Variants in MYO16 observed in about 807,000 individuals in gnomAD.
MYO16 encodes the protein myosin XVI.
Under a neutral mutation model 205.3 loss-of-function variants are expected in MYO16, and 94 were observed. That is an observed-to-expected ratio of 0.46 (90% CI 0.39 to 0.54). The LOEUF (loss-of-function observed/expected upper bound fraction) is 0.54, where lower values mean the gene tolerates loss of function less well. Ranked by LOEUF, MYO16 falls within the 20% of genes least tolerant of loss-of-function variation. The pLI is 0.00. For synonymous variants in MYO16, 988 were observed against 954.0 expected (o/e 1.04, Z -0.66); for missense variants, 2,315 against 2,387.5 (o/e 0.97, Z 0.63).
chr13:108,824,358 T>C (rs548804531), intron 9 of MYO16, among the ~76,000 whole-genome samples: 1 of 152,164 alleles, frequency 6.6e-6, no homozygotes, highest in Non-Finnish European at 1.5e-5. Context: ...AGCATAGAAA[T>C]ACCCATGGTG....
intron 31 of MYO16, among the ~76,000 whole-genome samples, chr13:109,133,680 C>T (rs893782934): frequency 6.6e-6 from 1 of 152,090 alleles, no homozygotes; most frequent in Non-Finnish European, 1.5e-5. Context: ...GACTGTCTTC[C>T]CTACTTCATC....
At chr13:108,924,941 G>A (rs1881922700) in intron 16 of MYO16, among the ~76,000 whole-genome samples, 1 of 152,124 alleles carries the variant, frequency 6.6e-6, no homozygotes, top group Non-Finnish European at 1.5e-5. Context: ...ATATATTTTG[G>A]TGGCTAAAAC....
At chr13:108,759,710 A>T in intron 4 of MYO16, among the ~76,000 whole-genome samples, 1 of 151,292 alleles carries the variant, frequency 6.6e-6, no homozygotes, top group South Asian at 2.1e-4. Context: ...AGTCCCAGCT[A>T]CTCCGGAGGC....
At chr13:108,685,195 G>C (rs1267371330) in intron 2 of MYO16, among the ~76,000 whole-genome samples, 2 of 151,952 alleles carry the variant, frequency 1.3e-5, no homozygotes, top group African/African-American at 4.8e-5. Flanking sequence ...GCTAATTTTT[G>C]TATTTTTAGT....
At chr13:108,566,051 G>C in the MYO16 span, among the ~76,000 whole-genome samples, 4 of 151,744 alleles carry the variant, frequency 2.6e-5, no homozygotes, top group Non-Finnish European at 5.9e-5. Context: ...TTCATAGAAT[G>C]AGTTTGAAAG....
At chr13:108,908,971 T>A (rs1431300816) in intron 15 of MYO16, among the ~76,000 whole-genome samples, 3 of 137,718 alleles carry the variant, frequency 2.2e-5, no homozygotes, top group Non-Finnish European at 4.6e-5. Flanking sequence ...AGACTGTGTC[T>A]CAAAAAAAAT....
chr13:108,605,596 C>G (rs1268288826), intron 1 of MYO16, among the ~76,000 whole-genome samples: 1 of 152,146 alleles, frequency 6.6e-6, no homozygotes, highest in African/African-American at 2.4e-5. Context: ...TTCTCACATG[C>G]CATCATGTGA....
At chr13:108,977,896 C>T (rs537586208) in intron 20 of MYO16, among the ~76,000 whole-genome samples, 3 of 152,082 alleles carry the variant, frequency 2.0e-5, no homozygotes, top group South Asian at 2.1e-4. Context: ...ATGTTGACTA[C>T]AAATTAATTT....
chr13:108,752,796 C>T (rs373015888), intron 4 of MYO16, among the ~76,000 whole-genome samples: 16 of 143,216 alleles, frequency 1.1e-4, no homozygotes, highest in South Asian at 4.6e-4. Context: ...CACCTGCCAC[C>T]GTGCCCAGCT....
chr13:109,073,007 G>T (rs1369730723), intron 27 of MYO16, among the ~76,000 whole-genome samples: 1 of 151,926 alleles, frequency 6.6e-6, no homozygotes, highest in African/African-American at 2.4e-5. Context: ...GACTACATTA[G>T]GATATTCAAA....
At chr13:108,761,668 C>T (rs1299726423) in intron 4 of MYO16, among the ~76,000 whole-genome samples, 4 of 152,190 alleles carry the variant, frequency 2.6e-5, no homozygotes, top group Admixed American at 6.5e-5. Context: ...TTGACCTGAA[C>T]ATTATTACCC....
intron 34 of MYO16, among the ~76,000 whole-genome samples, chr13:109,193,163 A>C (rs1187695204): frequency 6.6e-6 from 1 of 152,148 alleles, no homozygotes; most frequent in African/African-American, 2.4e-5. Flanking sequence ...CAGTGTATAG[A>C]GAATAGTGTA....
chr13:109,140,539 A>G lies in MYO16; in HGVS notation c.4327A>G (p.Arg1443Gly). 1 of 1,548,724 alleles carries G rather than the reference A, an allele frequency of 6.5e-7. No homozygotes were observed. Residue 1443 changes from arginine to glycine, a missense_variant, in exon 32 of 35, where the codon AGG becomes GGG. Physicochemically the swap from Arg to Gly is moderately radical, Grantham distance 125. Transcript: ENST00000457511. The surrounding 1 kb of genome is among the most constrained non-coding windows in gnomAD (Gnocchi z 8.0). ...VYIEMLGHAA[R>G]PDSPDPGESV... ...CATCGAGATGCTGGGGCACGCGGCCAGGCCCGATAGCCCGGACCCCGGGGA... is the reference window on the plus strand; with the variant it reads ...CATCGAGATGCTGGGGCACGCGGCCGGGCCCGATAGCCCGGACCCCGGGGA...
In MYO16 at chr13:109,058,796, G is replaced by C. The variant is rs143352747; in HGVS notation, c.3335+3201G>C. 2.4e-3 allele frequency among the ~76,000 whole-genome samples: 361 copies of C among 152,184 alleles called. 2 individuals are homozygous for C. The Middle Eastern group carries it at 0.034, about 14-fold the overall frequency. On this transcript the variant is annotated intron_variant, in intron 27 of 34. Coordinates refer to ENST00000457511, the MANE Select transcript of MYO16 (RefSeq NM_001198950.3). The stretch of plus-strand genomic sequence containing the variant: ...GAAAAATGTCTCTGTAGCATGCGAA[G>C]CTGCAACAGCATTTTACCCAGAGTA...
At chr13:108,751,064 C>CACACAG in intron 4 of MYO16, among the ~76,000 whole-genome samples, 1 of 103,928 alleles carries the variant, frequency 9.6e-6, no homozygotes, top group Non-Finnish European at 2.2e-5. Flanking sequence ...TGTGTGTTCA[C>CACACAG]ACACACACAC....
intron 16 of MYO16, among the ~76,000 whole-genome samples, chr13:108,921,956 A>G (rs1881763470): frequency 1.3e-5 from 2 of 152,172 alleles, no homozygotes; most frequent in African/African-American, 4.8e-5. Flanking sequence ...GCTCCTTCCC[A>G]TTGGAGTCAT....
At chr13:108,577,735 T>G in the MYO16 span, among the ~76,000 whole-genome samples, 1 of 152,238 alleles carries the variant, frequency 6.6e-6, no homozygotes, top group Non-Finnish European at 1.5e-5. Context: ...CCATTTACAT[T>G]GTAATCATTT....
At chr13:108,591,940 C>A (rs1410313763), upstream of MYO16, among the ~76,000 whole-genome samples, 5 of 151,844 alleles carry the variant, frequency 3.3e-5, no homozygotes, top group Non-Finnish European at 7.4e-5. Context: ...GGAGACTAAG[C>A]AACTAACTTG....
At chr13:109,067,130 C>T (rs1057040871) in intron 27 of MYO16, among the ~76,000 whole-genome samples, 1 of 152,156 alleles carries the variant, frequency 6.6e-6, no homozygotes, top group Non-Finnish European at 1.5e-5. Flanking sequence ...CCGCTGTGTA[C>T]CTGCTGGGAG....
Sources: allele counts gnomAD v4.1 joint callset (sites outside exome capture counted in the v4.1 genomes callset), GRCh38; gene constraint gnomAD v4.1.1; non-coding constraint Gnocchi (gnomAD v3.1); transcripts MANE v1.5; gene names NCBI Gene and HGNC (gene_info 2026-07-23, HGNC 2026-07-21).